The following NOP14 variants were observed in gnomAD, a reference collection of about 807,000 sequenced individuals.
NOP14 encodes the protein NOP14 nucleolar protein, also known as nucleolar protein 14.
A neutral mutation model predicts 101.6 loss-of-function variants in NOP14; 57 were observed. That is an observed-to-expected ratio of 0.56 (90% CI 0.45 to 0.70). The LOEUF is 0.70. Ranked by LOEUF, NOP14 falls within the 30% of genes least tolerant of loss-of-function variation. The pLI is 0.00. For missense variants in NOP14, 1,134 were observed against 1,075.5 expected, an observed-to-expected ratio of 1.05 and a Z score of -0.76; for synonymous variants, 428 against 424.0, an observed-to-expected ratio of 1.01 and a Z score of -0.12.
At chr4:2,963,008 C>T in intron 1 of NOP14, 117 bp downstream of exon 1, 1 of 1,033,824 alleles carries the variant, frequency 9.7e-7, no homozygotes, top group Non-Finnish European at 1.3e-6. Flanking sequence ...TGCCGTGTGC[C>T]TGTCACGGCC....
intron 1 of NOP14, among the ~76,000 whole-genome samples, chr4:2,959,698 C>T (rs993872845): frequency 4.6e-5 from 7 of 152,192 alleles, no homozygotes; most frequent in East Asian, 1.9e-4. Flanking sequence ...AGGGCTCCAT[C>T]GCCATTGCTC....
At chr4:2,949,900 C>T (rs768838866) in intron 8 of NOP14, 34 bp downstream of exon 8, 1 of 1,612,690 alleles carries the variant, frequency 6.2e-7, no homozygotes, top group Non-Finnish European at 8.5e-7. Context: ...TAAAGGTTAT[C>T]CCAGAACCTG....
Position 2,941,680 on chromosome 4 carries a change from T to C in NOP14, c.2101A>G (p.Met701Val). Residue 701 changes from methionine (M) to valine (V), a missense_variant, in exon 15 of 18, where the codon ATG (methionine) becomes GTG (valine). Physicochemically the swap from Met to Val is conservative, Grantham distance 21. Coordinates refer to ENST00000416614, the MANE Select transcript of NOP14 (RefSeq NM_001291978.2). ...GLALLKRCVL[M>V]YGSLPSFHAI... ...TGGAAGGATGGCAGGGACCCGTACA[T>C]GAGCACGCAGCGCTTCAGCAGGGCC... The C allele has an allele frequency of 6.2e-7, 1 of 1,613,266 alleles. No homozygotes were observed.
chr4:2,957,043 C>A (rs1481229874), intron 2 of NOP14, among the ~76,000 whole-genome samples: 1 of 152,024 alleles, frequency 6.6e-6, no homozygotes, highest in Non-Finnish European at 1.5e-5. Context: ...GCTCTGTTGC[C>A]CAGGCTGGAG....
chr4:2,948,904 C>A (rs1374738653), intron 8 of NOP14, among the ~76,000 whole-genome samples: 4 of 152,262 alleles, frequency 2.6e-5, no homozygotes, highest in Non-Finnish European at 5.9e-5. Context: ...CCTGGGCTGT[C>A]AGGTGCGATC....
intron 3 of NOP14, among the ~76,000 whole-genome samples, chr4:2,955,037 A>G (rs1229517108): frequency 1.4e-5 from 2 of 140,606 alleles, no homozygotes; most frequent in African/African-American, 5.4e-5. Flanking sequence ...CCTCCACGCC[A>G]CGGCGCCCCC....
chr4:2,949,983 C>T lies in NOP14; in HGVS notation c.1233G>A (p.Lys411=), dbSNP rs762786085. ...QTPGKGLISG[K]ERAGKATRDE... ...CTCTGGTAGCTTTTCCAGCTCTTTC[C>T]TTGCCGCTTATCAACCCTTTCCCAG... Residue 411 remains lysine, a synonymous_variant, in exon 8 of 18, where the codon AAG becomes AAA. Coordinates refer to ENST00000416614, the MANE Select transcript of NOP14 (RefSeq NM_001291978.2). The T allele has an allele frequency of 2.5e-6, 4 of 1,614,170 alleles. No individual in the cohort carries two copies. The South Asian group carries it at 4.4e-5, about 18-fold the overall frequency.
intron 1 of NOP14, among the ~76,000 whole-genome samples, chr4:2,958,511 G>A (rs777040690): frequency 9.2e-5 from 14 of 152,196 alleles, no homozygotes; most frequent in South Asian, 8.3e-4. Context: ...CAGCAATTCC[G>A]AAAGGAAATG....
chr4:2,963,295 C>T lies in NOP14; in HGVS notation c.25G>A (p.Ala9Thr), dbSNP rs756095788. ...GGCGCCCCGGAGGCCTTCCTTCGCG[C>T]CCCGACCTTCTTCGCCTTCGCCATG... MAKAKKVG[A>T]RRKASGAPAG... The change falls in exon 1 of 18, where the codon GCG becomes ACG. Residue 9 changes from alanine (A) to threonine (T), a missense_variant. Ala to Thr is a moderately conservative substitution (Grantham distance 58, BLOSUM62 0). Transcript: ENST00000416614. The T allele has an allele frequency of 5.6e-6, 9 of 1,593,834 alleles. No individual in the cohort carries two copies. The highest frequency in any genetic ancestry group is 6.8e-6 in the Non-Finnish European group (8 of 1,172,980).
Position 2,939,621 on chromosome 4 carries a change from C to T in NOP14, c.2224G>A (p.Glu742Lys), listed in dbSNP as rs763045306. 32 of 1,613,710 alleles carry T rather than the reference C, an allele frequency of 2.0e-5. No individual in the cohort carries two copies. In the East Asian group the frequency reaches 2.4e-4, roughly 12 times the overall value. The change falls in exon 16 of 18, where the codon GAA (glutamate) becomes AAA (lysine). Residue 742 changes from glutamate to lysine, a missense_variant. Transcript: ENST00000416614. ...LQELCQSTLT[E>K]MESQKQLCRP... Reference sequence around the variant, plus strand: ...CAGAGCTGCTTCTGGCTTTCCATTTCGGTCAGTGTGCTCTGACACAGCTCC... The same window carrying T: ...CAGAGCTGCTTCTGGCTTTCCATTTTGGTCAGTGTGCTCTGACACAGCTCC...
At chr4:2,959,525 G>A (rs1715580357) in intron 1 of NOP14, among the ~76,000 whole-genome samples, 1 of 152,160 alleles carries the variant, frequency 6.6e-6, no homozygotes, top group Non-Finnish European at 1.5e-5. Flanking sequence ...CCCGGGAAGT[G>A]GAGCTTGCAG....
intron 1 of NOP14, among the ~76,000 whole-genome samples, chr4:2,958,295 C>A (rs1715485309): frequency 6.6e-6 from 1 of 152,122 alleles, no homozygotes; most frequent in South Asian, 2.1e-4. Context: ...TGGTTATTTT[C>A]CCAGCAGCAA....
rs868863080 is a variant in NOP14 at position 2,955,513 on chromosome 4, G to A, written c.473-950C>T. ...CCCCTCTAGTCACCTGCACCACAGCGCCCCCTCTAGTCACCTGCACGCCAC... is the reference window on the plus strand; with the variant it reads ...CCCCTCTAGTCACCTGCACCACAGCACCCCCTCTAGTCACCTGCACGCCAC... On this transcript the variant is annotated intron_variant, in intron 3 of 17. Transcript: ENST00000416614. Among the ~76,000 whole-genome samples the A allele has an allele frequency of 4.6e-4, 65 of 141,064 alleles. No homozygotes were observed. In the Middle Eastern group the frequency reaches 0.012, roughly 25 times the overall value. 92.5% of individuals were successfully genotyped at this position (141,064 alleles called of 152,430 possible).
intron 15 of NOP14, among the ~76,000 whole-genome samples, chr4:2,940,066 C>T (rs570286278): frequency 3.0e-4 from 45 of 152,306 alleles, no homozygotes; most frequent in African/African-American, 8.7e-4. Context: ...CCCTTTCTGC[C>T]GCGGGGGGCC....
At chr4:2,940,754 CAGGGAAGGCCTGGCTTCCCA>C (rs983651600) in intron 15 of NOP14, 2 of 152,500 alleles carry the variant, frequency 1.3e-5, no homozygotes, top group African/African-American at 4.8e-5. Context: ...CAGTGTGGGC[CAGGGAAGGCCTGGCTTCCCA>C]AGGGTGTGGG....
At chr4:2,952,560 T>G (rs1018589939) in intron 5 of NOP14, among the ~76,000 whole-genome samples, 163 bp from the exon 6 acceptor site, 2 of 152,374 alleles carry the variant, frequency 1.3e-5, no homozygotes, top group South Asian at 2.1e-4. Context: ...AAAACTGTTC[T>G]GATAAGCCCT....
In NOP14 at chr4:2,962,705, TAG is replaced by T. The variant is rs1192609109; in HGVS notation, c.195+418_195+419del. On this transcript the variant is annotated intron_variant, in intron 1 of 17. Coordinates refer to ENST00000416614, the MANE Select transcript of NOP14 (RefSeq NM_001291978.2). ...AAAACTAGGAAGCAATGAGTTTCCATAGAGTTACTTCCCAAGGAACAAGGTTA... is the reference window on the plus strand; with the variant it reads ...AAAACTAGGAAGCAATGAGTTTCCATAGTTACTTCCCAAGGAACAAGGTTA... 6.0e-5 allele frequency among the ~76,000 whole-genome samples: 9 copies of T among 151,100 alleles called. No individual in the cohort carries two copies. In the East Asian group the frequency reaches 1.7e-3, roughly 29 times the overall value.
chr4:2,959,927 T>C (rs545521022), intron 1 of NOP14, among the ~76,000 whole-genome samples: 1 of 151,924 alleles, frequency 6.6e-6, no homozygotes, highest in Admixed American at 6.5e-5. Context: ...TACTGCTCGA[T>C]GAACTCTGTA....
chr4:2,948,133 CCAT>C lies in NOP14; in HGVS notation c.1413+142_1413+144del, dbSNP rs1375789337. 3.7e-6 allele frequency: 4 copies of C among 1,082,510 alleles called. No individual in the cohort carries two copies. The African/African-American group carries it at 6.5e-5, about 18-fold the overall frequency. The allele number at this position is 1,082,510 out of a possible 1,614,324, so 67.1% of individuals were successfully genotyped here. On this transcript the variant is annotated intron_variant, in intron 9 of 17. Transcript: ENST00000416614. ...CCGGTGCCATACCAAGTACTCCCAGCCATCATCATAGGTAACCATGTGACGGGC... is the reference window on the plus strand; with the variant it reads ...CCGGTGCCATACCAAGTACTCCCAGCCATCATAGGTAACCATGTGACGGGC...
Sources: allele counts gnomAD v4.1 joint callset (sites outside exome capture counted in the v4.1 genomes callset), GRCh38; gene constraint gnomAD v4.1.1; transcripts MANE v1.5; gene names NCBI Gene and HGNC (gene_info 2026-07-23, HGNC 2026-07-21).